Variants in CRYBG1 observed in about 807,000 individuals in gnomAD.
The protein encoded by CRYBG1 is crystallin beta-gamma domain containing 1.
CRYBG1 carries 139 observed loss-of-function variants against 189.2 expected under a neutral mutation model. That is an observed-to-expected ratio of 0.73 (90% CI 0.64 to 0.85). CRYBG1 has a LOEUF of 0.85. Among genes scored for constraint, CRYBG1 ranks in the 40% least tolerant of loss-of-function variants. The pLI is 0.00. For synonymous variants in CRYBG1, 1,023 were observed against 1,017.1 expected (o/e 1.01, Z -0.11); for missense variants, 2,611 against 2,675.8 (o/e 0.98, Z 0.53).
In CRYBG1 at chr6:106,572,015, G is replaced by T; in HGVS notation, c.*3449G>T. 2 of 1,612,346 alleles carry T rather than the reference G, an allele frequency of 1.2e-6. No homozygotes were observed. The highest frequency in any genetic ancestry group is 1.7e-6 in the Non-Finnish European group (2 of 1,178,492). On this transcript the variant is annotated 3_prime_UTR_variant, in exon 22 of 22. Coordinates refer to ENST00000633556, the MANE Select transcript of CRYBG1 (RefSeq NM_001371242.2). ...TTTTATTTAAACAACATTAATTACAGTCTTTCCTCGTGCGTGTCCTCTTTC... is the reference window on the plus strand; with the variant it reads ...TTTTATTTAAACAACATTAATTACATTCTTTCCTCGTGCGTGTCCTCTTTC...
At chr6:106,558,014 A>G (rs1213532272) in intron 17 of CRYBG1, among the ~76,000 whole-genome samples, 4 of 149,984 alleles carry the variant, frequency 2.7e-5, no homozygotes, top group African/African-American at 9.8e-5. Flanking sequence ...TGATGAACAG[A>G]AAAAAAAAAG....
chr6:106,464,690 A>T lies in CRYBG1; in HGVS notation c.312+12858A>T, dbSNP rs542173359. 1.1e-4 allele frequency among the ~76,000 whole-genome samples: 17 copies of T among 152,348 alleles called. No homozygotes were observed. In the South Asian group the frequency reaches 3.5e-3, roughly 32 times the overall value. ...AATTTAAAGCATTTCCCTAGTGATG[A>T]CAGTACCATTAAAACCAGTGCAGAG... On this transcript the variant is annotated intron_variant, in intron 2 of 21. Coordinates refer to ENST00000633556, the MANE Select transcript of CRYBG1 (RefSeq NM_001371242.2).
At position 106,494,039 on chromosome 6, in the gene CRYBG1, C is replaced by T. The variant is rs965381075; in HGVS notation, c.313-17391C>T. On this transcript the variant is annotated intron_variant, in intron 2 of 21. Coordinates refer to ENST00000633556, the MANE Select transcript of CRYBG1 (RefSeq NM_001371242.2). ...ATTCAGCCATAAAAAGAATGAAGTACTGATAAATATGCATGTGTCAGTCTG... is the reference window on the plus strand; with the variant it reads ...ATTCAGCCATAAAAAGAATGAAGTATTGATAAATATGCATGTGTCAGTCTG... Among the ~76,000 whole-genome samples, 7 of 152,244 alleles carry T rather than the reference C, an allele frequency of 4.6e-5. No individual in the cohort carries two copies. The East Asian group carries it at 1.4e-3, about 29-fold the overall frequency.
intron 1 of CRYBG1, among the ~76,000 whole-genome samples, chr6:106,422,434 G>A (rs1307814153): frequency 1.3e-5 from 2 of 151,528 alleles, no homozygotes; most frequent in Non-Finnish European, 2.9e-5. Flanking sequence ...CCAAGCTCAG[G>A]TGATCCTGCC....
intron 1 of CRYBG1, among the ~76,000 whole-genome samples, chr6:106,417,994 C>T (rs1771057408): frequency 6.6e-6 from 1 of 152,268 alleles, no homozygotes; most frequent in Admixed American, 6.5e-5. Context: ...CCGGTGAGGG[C>T]AAAAGGTCAG....
chr6:106,501,005 T>C (rs1772998995), intron 2 of CRYBG1, among the ~76,000 whole-genome samples: 1 of 152,190 alleles, frequency 6.6e-6, no homozygotes, highest in Non-Finnish European at 1.5e-5. Flanking sequence ...GGCTGGAGGA[T>C]AAAGGATTTC....
chr6:106,492,464 C>T (rs1207484590), intron 2 of CRYBG1, among the ~76,000 whole-genome samples: 4 of 150,326 alleles, frequency 2.7e-5, no homozygotes, highest in Non-Finnish European at 5.9e-5. Context: ...CTGCTATTAG[C>T]CATAATACTT....
intron 2 of CRYBG1, among the ~76,000 whole-genome samples, chr6:106,469,517 A>G (rs919518508): frequency 3.3e-5 from 5 of 152,114 alleles, no homozygotes; most frequent in Non-Finnish European, 7.3e-5. Context: ...TTTATTTTCA[A>G]CTTAATTTCC....
intron 1 of CRYBG1, among the ~76,000 whole-genome samples, chr6:106,385,829 G>T (rs1372438064): frequency 2.0e-5 from 3 of 152,144 alleles, no homozygotes; most frequent in Admixed American, 2.0e-4. Context: ...AACGTTCTTA[G>T]CAGCAGGCAG....
At chr6:106,426,015 A>G (rs1329124649) in intron 1 of CRYBG1, among the ~76,000 whole-genome samples, 1 of 152,044 alleles carries the variant, frequency 6.6e-6, no homozygotes, top group Non-Finnish European at 1.5e-5. Context: ...GTATTTCCTT[A>G]CATCTTTTAT....
chr6:106,484,070 G>A (rs61611000), intron 2 of CRYBG1, among the ~76,000 whole-genome samples: 18,451 of 152,086 alleles, frequency 0.12, 1,314 homozygotes, highest in East Asian at 0.27. Flanking sequence ...GTATGTGGCT[G>A]TTCAATTTTT....
chr6:106,552,051 T>C, intron 14 of CRYBG1, 73 bp downstream of exon 14: 1 of 1,469,908 alleles, frequency 6.8e-7, no homozygotes, highest in Non-Finnish European at 9.4e-7. Flanking sequence ...TCCTGGTTCA[T>C]GTAATAGTAA....
chr6:106,428,588 T>C (rs965586049), intron 1 of CRYBG1, among the ~76,000 whole-genome samples: 2 of 152,224 alleles, frequency 1.3e-5, no homozygotes, highest in Non-Finnish European at 2.9e-5. Context: ...CTGTGTTGTG[T>C]TGTATGGTCA....
intron 2 of CRYBG1, among the ~76,000 whole-genome samples, chr6:106,499,958 T>C (rs566303349): frequency 6.6e-6 from 1 of 152,342 alleles, no homozygotes; most frequent in Admixed American, 6.5e-5. Flanking sequence ...CTTAGCACAG[T>C]GTCCTCCAGG....
intron 1 of CRYBG1, among the ~76,000 whole-genome samples, chr6:106,386,490 GT>G (rs2114328385): frequency 6.6e-6 from 1 of 152,262 alleles, no homozygotes; most frequent in South Asian, 2.1e-4. Context: ...CACTGTTAGG[GT>G]TTTGATATGA....
At chr6:106,409,382 C>A (rs574090815) in intron 1 of CRYBG1, among the ~76,000 whole-genome samples, 1 of 152,220 alleles carries the variant, frequency 6.6e-6, no homozygotes, top group Non-Finnish European at 1.5e-5. Context: ...AGGGCACAAA[C>A]AAATGGAAAA....
intron 8 of CRYBG1, among the ~76,000 whole-genome samples, chr6:106,534,106 C>T (rs114249816): frequency 3.9e-4 from 60 of 152,210 alleles, no homozygotes; most frequent in African/African-American, 1.3e-3. Context: ...TGAGAAACAC[C>T]ACTTTCCTTA....
At chr6:106,462,448 C>G (rs982615693) in intron 2 of CRYBG1, among the ~76,000 whole-genome samples, 2 of 152,152 alleles carry the variant, frequency 1.3e-5, no homozygotes, top group Non-Finnish European at 2.9e-5. Flanking sequence ...CGTGAGCCAC[C>G]GCGCCCGGCC....
intron 3 of CRYBG1, among the ~76,000 whole-genome samples, chr6:106,517,349 C>CAT (rs963380889): frequency 1.1e-4 from 9 of 83,872 alleles, no homozygotes; most frequent in East Asian, 6.9e-4. Context: ...TATACACACA[C>CAT]ATATATATAT....
Sources: allele counts gnomAD v4.1 joint callset (sites outside exome capture counted in the v4.1 genomes callset), GRCh38; gene constraint gnomAD v4.1.1; transcripts MANE v1.5; gene names NCBI Gene and HGNC (gene_info 2026-07-23, HGNC 2026-07-21).